The following SMAP2 variants were observed in gnomAD, a reference collection of about 807,000 sequenced individuals.
SMAP2 encodes the protein small ArfGAP2.
In SMAP2, 25 loss-of-function variants were observed where a neutral mutation model predicts 56.4. The ratio of observed to expected loss-of-function variants is 0.44; its 90% CI spans 0.32 to 0.62. SMAP2 has a LOEUF of 0.62. Among genes scored for constraint, SMAP2 ranks in the 20% least tolerant of loss-of-function variants. The pLI is 0.04. For synonymous variants in SMAP2, 157 were observed against 181.7 expected, an observed-to-expected ratio of 0.86 and a Z score of 1.09; for missense variants, 388 against 545.6, an observed-to-expected ratio of 0.71 and a Z score of 2.88.
intron 1 of SMAP2, among the ~76,000 whole-genome samples, chr1:40,375,308 AT>A (rs1193263036): frequency 6.6e-6 from 1 of 152,154 alleles, no homozygotes; most frequent in Non-Finnish European, 1.5e-5. Context: ...AATGCAGTGG[AT>A]TTGCCATGGT....
chr1:40,356,948 A>G (rs759702044), intron 1 of SMAP2, among the ~76,000 whole-genome samples: 230 of 151,914 alleles, frequency 1.5e-3, no homozygotes, highest in Non-Finnish European at 2.4e-3. Context: ...TACCTATTTG[A>G]CCTTTGTGTG....
At chr1:40,347,240 G>GTT (rs200888686) in intron 1 of SMAP2, among the ~76,000 whole-genome samples, 7 of 88,386 alleles carry the variant, frequency 7.9e-5, no homozygotes, top group African/African-American at 2.8e-4. Context: ...GTGTGTGTGT[G>GTT]TTTTGTTTTT....
chr1:40,412,560 CTG>C (rs1419860443), intron 4 of SMAP2, among the ~76,000 whole-genome samples: 6 of 151,912 alleles, frequency 3.9e-5, no homozygotes, highest in South Asian at 4.2e-4. Context: ...TATTTTCTGA[CTG>C]TTAAAAAAAT....
At chr1:40,376,260 CG>C (rs369255310) in intron 1 of SMAP2, among the ~76,000 whole-genome samples, 121 of 152,182 alleles carry the variant, frequency 8.0e-4, no homozygotes, top group African/African-American at 2.6e-3. Flanking sequence ...CCGAAATTTC[CG>C]TTGCTTTTTA....
In SMAP2 at chr1:40,374,707, A is replaced by G. The variant is rs1175907700; in HGVS notation, c.103+484A>G. 8 of 1,550,244 alleles carry G rather than the reference A, an allele frequency of 5.2e-6. No individual in the cohort carries two copies. In the Admixed American group the frequency reaches 1.6e-4, roughly 30 times the overall value. On this transcript the variant is annotated intron_variant, in intron 1 of 9. Transcript: ENST00000372718. This position sits in a 1 kb window ranked among gnomAD's most constrained non-coding sequence, Gnocchi z 5.9. ...GGAAAACTGCTTAAATGATTTTTAAAGGTGGTGATTTTTGCTTCCTGCTAT... is the reference window on the plus strand; with the variant it reads ...GGAAAACTGCTTAAATGATTTTTAAGGGTGGTGATTTTTGCTTCCTGCTAT...
Position 40,374,577 on chromosome 1 carries a change from TTGCGTGCG to T in SMAP2, c.103+369_103+376del, listed in dbSNP as rs200385638. 44 of 927,424 alleles carry T rather than the reference TTGCGTGCG, an allele frequency of 4.7e-5. No homozygotes were observed. Among genetic ancestry groups the T allele is most frequent in the Admixed American group, 8.5e-5 (4 of 47,040 alleles). 57.4% of individuals were successfully genotyped at this position (927,424 alleles called of 1,614,324 possible). ...CTTGCAAAGCTGGGGATGAACTGCATTGCGTGCGTGCGTGCGTGCGTGTGTGTGTGTGT... is the reference window on the plus strand; with the variant it reads ...CTTGCAAAGCTGGGGATGAACTGCATTGCGTGCGTGCGTGTGTGTGTGTGT... On this transcript the variant is annotated intron_variant, in intron 1 of 9. Transcript: ENST00000372718. This position sits in a 1 kb window ranked among gnomAD's most constrained non-coding sequence, Gnocchi z 5.9.
intron 1 of SMAP2, among the ~76,000 whole-genome samples, chr1:40,381,103 A>G (rs1268290043): frequency 6.6e-6 from 1 of 152,192 alleles, no homozygotes; most frequent in Non-Finnish European, 1.5e-5. Context: ...TGCCCTTTAA[A>G]TATCATTTGG....
At chr1:40,379,555 C>CTTTTTTTTTTTTTTT in intron 1 of SMAP2, among the ~76,000 whole-genome samples, 1 of 78,114 alleles carries the variant, frequency 1.3e-5, no homozygotes, top group Non-Finnish European at 2.5e-5. Flanking sequence ...TGTTGTCTCT[C>CTTTTTTTTTTTTTTT]TTTTTTTTTT....
At chr1:40,388,462 ACT>A (rs1644683361) in intron 1 of SMAP2, among the ~76,000 whole-genome samples, 1 of 151,292 alleles carries the variant, frequency 6.6e-6, no homozygotes, top group Non-Finnish European at 1.5e-5. Flanking sequence ...ACCAATCGAC[ACT>A]CTGTATCTAG....
At chr1:40,376,435 G>A (rs768617881) in intron 1 of SMAP2, among the ~76,000 whole-genome samples, 21 of 152,078 alleles carry the variant, frequency 1.4e-4, no homozygotes, top group Non-Finnish European at 2.1e-4. Flanking sequence ...TGGCTTCAGG[G>A]ACTTGGTCAT....
intron 1 of SMAP2, among the ~76,000 whole-genome samples, chr1:40,346,956 C>G (rs1214366338): frequency 6.6e-6 from 1 of 151,900 alleles, no homozygotes. Context: ...CTCAAGTGAT[C>G]CTCCTGTCTC....
chr1:40,417,660 G>T (rs535173486), intron 9 of SMAP2, among the ~76,000 whole-genome samples: 1 of 152,168 alleles, frequency 6.6e-6, no homozygotes, highest in South Asian at 2.1e-4. Flanking sequence ...AAAAATAAGA[G>T]ACTTCAGATA....
chr1:40,396,998 C>A (rs150055437), intron 1 of SMAP2: 98 of 247,362 alleles, frequency 4.0e-4, no homozygotes, highest in African/African-American at 2.2e-3. Context: ...TAGAATTAAT[C>A]TCTTATAAAA....
At chr1:40,377,091 G>A (rs1337325083) in intron 1 of SMAP2, among the ~76,000 whole-genome samples, 10 of 152,044 alleles carry the variant, frequency 6.6e-5, no homozygotes, top group African/African-American at 2.2e-4. Context: ...TTCAAGACCA[G>A]CCTGGGCAAC....
intron 1 of SMAP2, among the ~76,000 whole-genome samples, chr1:40,352,540 A>AT (rs1227920915): frequency 1.7e-4 from 26 of 150,216 alleles, no homozygotes; most frequent in East Asian, 3.9e-4. Context: ...AAGTTTTTCT[A>AT]TTTTTTTTTA....
chr1:40,399,498 T>C lies in SMAP2; in HGVS notation c.104-7238T>C, dbSNP rs201933083. 5.8e-4 allele frequency among the ~76,000 whole-genome samples: 87 copies of C among 150,242 alleles called. No individual in the cohort carries two copies. In the East Asian group the frequency reaches 0.015, roughly 25 times the overall value. On this transcript the variant is annotated intron_variant, in intron 1 of 9. Transcript: ENST00000372718. ...TTTCTTTTCTTTCTTTCTCTTTTTT[T>C]TTTTTCCTGACTCTTAACACCACTC...
chr1:40,408,597 T>A lies in SMAP2; in HGVS notation c.238-56T>A, dbSNP rs1644906976. ...ACAGTAGTGGAATTGGGTGAGAAGTTTTTCAGTTCTTTCTTGATCTGACGT... is the reference window on the plus strand; with the variant it reads ...ACAGTAGTGGAATTGGGTGAGAAGTATTTCAGTTCTTTCTTGATCTGACGT... On this transcript the variant is annotated intron_variant, in intron 2 of 9. Coordinates refer to ENST00000372718, the MANE Select transcript of SMAP2 (RefSeq NM_022733.3). This position sits in a 1 kb window ranked among gnomAD's most constrained non-coding sequence, Gnocchi z 4.3. 1 of 1,492,282 alleles carries A rather than the reference T, an allele frequency of 6.7e-7. No individual in the cohort carries two copies. Among genetic ancestry groups the A allele is most frequent in the African/African-American group, 1.4e-5 (1 of 72,418 alleles). The allele number at this position is 1,492,282 out of a possible 1,614,324, so 92.4% of individuals were successfully genotyped here. A position where few individuals can be genotyped will look rare whatever the true frequency, so the allele number is the denominator to read the frequency against.
intron 1 of SMAP2, among the ~76,000 whole-genome samples, chr1:40,359,959 C>CACTGAAGAG (rs1644452538): frequency 6.6e-6 from 1 of 150,948 alleles, no homozygotes; most frequent in Admixed American, 6.6e-5. Flanking sequence ...CAGAAAGAGG[C>CACTGAAGAG]ACTGAAGAGG....
intron 1 of SMAP2, among the ~76,000 whole-genome samples, chr1:40,376,075 C>T (rs368739430): frequency 6.6e-6 from 1 of 152,084 alleles, no homozygotes; most frequent in East Asian, 1.9e-4. Flanking sequence ...CTCAGCCTCC[C>T]GAGTACCTGG....
Sources: gnomAD v4.1 joint callset for allele counts (sites outside exome capture counted in the v4.1 genomes callset) on GRCh38, gnomAD v4.1.1 for gene constraint, Gnocchi (gnomAD v3.1) non-coding constraint, MANE v1.5 for transcripts, NCBI Gene and HGNC (gene_info 2026-07-23, HGNC 2026-07-21) for gene names.